ANPEP: variants seen among roughly 807,000 people sequenced by gnomAD.
ANPEP encodes aminopeptidase N.
ANPEP carries 70 observed loss-of-function variants against 114.6 expected under a neutral mutation model. The observed-to-expected ratio is 0.61, with a 90% confidence interval of 0.50 to 0.75. The LOEUF (loss-of-function observed/expected upper bound fraction) is 0.75. Among genes scored for constraint, ANPEP ranks in the 30% least tolerant of loss-of-function variants. ANPEP has a pLI of 0.00. For missense variants in ANPEP, 1,184 were observed against 1,259.5 expected (o/e 0.94, Z 0.91); for synonymous variants, 548 against 522.3 (o/e 1.05, Z -0.67).
At chr15:89,808,439 G>A (rs897464206) in intron 1 of ANPEP, among the ~76,000 whole-genome samples, 1 of 152,210 alleles carries the variant, frequency 6.6e-6, no homozygotes, top group African/African-American at 2.4e-5. Context: ...TGACAGCAGG[G>A]CCTCACCAGC....
rs8192294 is a variant in ANPEP at position 89,803,626 on chromosome 15, C to G, written c.1437+21G>C. On this transcript the variant is annotated intron_variant, in intron 8 of 20. Coordinates refer to ENST00000300060, the MANE Select transcript of ANPEP (RefSeq NM_001150.3). The surrounding 1 kb of genome is among the most constrained non-coding windows in gnomAD (Gnocchi z 4.2). ...CAAGTCCCCACCTCCTTCCCCGTGCCCCACGAGGAGCGGGCTGCACCTTGC... is the reference window on the plus strand; with the variant it reads ...CAAGTCCCCACCTCCTTCCCCGTGCGCCACGAGGAGCGGGCTGCACCTTGC... 1.9e-6 allele frequency: 3 copies of G among 1,606,634 alleles called. No homozygotes were observed. The highest frequency in any genetic ancestry group is 2.6e-6 in the Non-Finnish European group (3 of 1,175,702).
At chr15:89,811,662 A>G (rs1894818756) in intron 1 of ANPEP, among the ~76,000 whole-genome samples, 2 of 151,772 alleles carry the variant, frequency 1.3e-5, no homozygotes, top group Admixed American at 6.6e-5. Flanking sequence ...AAAAAAAAAA[A>G]AAAAGAAAAA....
intron 1 of ANPEP, among the ~76,000 whole-genome samples, chr15:89,812,909 C>A (rs747648522): frequency 2.6e-5 from 4 of 152,136 alleles, no homozygotes; most frequent in Admixed American, 6.5e-5. Context: ...AGACACGCAC[C>A]CATTTGGCCA....
At chr15:89,786,886 G>C (rs1968517127) in intron 20 of ANPEP, among the ~76,000 whole-genome samples, 1 of 152,090 alleles carries the variant, frequency 6.6e-6, no homozygotes, top group South Asian at 2.1e-4. Flanking sequence ...AGACCATTCA[G>C]TGGGAGAAGA....
chr15:89,807,846 T>C (rs1178458739), intron 1 of ANPEP, among the ~76,000 whole-genome samples: 1 of 152,152 alleles, frequency 6.6e-6, no homozygotes, highest in Non-Finnish European at 1.5e-5. Context: ...ACTTTCCCCA[T>C]CCACCAGCCC....
intron 20 of ANPEP, among the ~76,000 whole-genome samples, chr15:89,786,628 G>T (rs908488378): frequency 6.6e-6 from 1 of 151,886 alleles, no homozygotes; most frequent in Non-Finnish European, 1.5e-5. Flanking sequence ...GGGAAGTTGA[G>T]GCTGCAGTGA....
Position 89,785,216 on chromosome 15 carries a change from G to A in ANPEP, c.*133C>T, listed in dbSNP as rs941213519. The A allele has an allele frequency of 2.3e-5, 28 of 1,207,518 alleles. No individual in the cohort carries two copies. Among genetic ancestry groups the A allele is most frequent in the Non-Finnish European group, 3.2e-5 (27 of 851,494 alleles). The allele number at this position is 1,207,518 out of a possible 1,614,324, so 74.8% of individuals were successfully genotyped here. A position where few individuals can be genotyped will look rare whatever the true frequency, so the allele number is the denominator to read the frequency against. ...ACTGGCTCACAGGCAGAGAGAACGT[G>A]GGCTGGAGACTTTGTCCTTGAGGGG... is the stretch of plus-strand genomic sequence containing the variant. On this transcript the variant is annotated 3_prime_UTR_variant, in exon 21 of 21. Transcript: ENST00000300060.
Position 89,805,421 on chromosome 15 carries a change from C to A in ANPEP, c.657G>T (p.Lys219Asn). 6.2e-7 allele frequency: 1 copy of A among 1,614,210 alleles called. No individual in the cohort carries two copies. The highest frequency in any genetic ancestry group is 1.3e-5 in the African/African-American group (1 of 75,062). Residue 219 changes from lysine (K) to asparagine (N), a missense_variant, in exon 3 of 21, where the codon AAG becomes AAT. Coordinates refer to ENST00000300060, the MANE Select transcript of ANPEP (RefSeq NM_001150.3). ...CCGGCTCATCGAAGCATGGGAAGGA[C>A]TTCCGGGCATCTGCAGCCTGCATCT... ...TTQMQAADAR[K>N]SFPCFDEPAM...
In ANPEP at chr15:89,806,117, A is replaced by G. The variant is rs370927385; in HGVS notation, c.467T>C (p.Val156Ala). The change falls in exon 2 of 21, where the codon GTG becomes GCG. Residue 156 changes from valine (V) to alanine (A), a missense_variant. Transcript: ENST00000300060. This position sits in a 1 kb window ranked among gnomAD's most constrained non-coding sequence, Gnocchi z 5.7. ...CACCACCAGGTACTCGGTGGGCTCC[A>G]CCAGCTCAGTCTTGTCAATGTCGGG... is the stretch of plus-strand genomic sequence containing the variant. ...QPPDIDKTELVEPTEYLVVHL... is the reference protein window; with the variant it reads ...QPPDIDKTELAEPTEYLVVHL... 1.9e-6 allele frequency: 3 copies of G among 1,614,092 alleles called. No homozygotes were observed. The highest frequency in any genetic ancestry group is 2.5e-6 in the Non-Finnish European group (3 of 1,179,980).
Position 89,803,666 on chromosome 15 carries a change from T to C in ANPEP, c.1418A>G (p.Asp473Gly), listed in dbSNP as rs553551016. ...CTGCACCTTGCTGTAGGAGATGGCG[T>C]CAAACAGCTCACTGATCTGGGCCGG... ...NTPAQISELF[D>G]AISYSKGASV... is the part of the protein sequence containing the mutation. The change falls in exon 8 of 21, where the codon GAC becomes GGC. Residue 473 changes from aspartate to glycine, a missense_variant. Coordinates refer to ENST00000300060, the MANE Select transcript of ANPEP (RefSeq NM_001150.3). This position sits in a 1 kb window ranked among gnomAD's most constrained non-coding sequence, Gnocchi z 4.2. 2 of 1,612,550 alleles carry C rather than the reference T, an allele frequency of 1.2e-6. No individual in the cohort carries two copies. The highest frequency in any genetic ancestry group is 1.3e-5 in the African/African-American group (1 of 75,026).
chr15:89,790,328 T>C, intron 20 of ANPEP, 132 bp downstream of exon 20: 1 of 713,318 alleles, frequency 1.4e-6, no homozygotes, highest in Non-Finnish European at 2.4e-6. Context: ...CTACTCGGCT[T>C]CCTCTGTAAA....
At chr15:89,791,460 C>T (rs537636215) in intron 18 of ANPEP, among the ~76,000 whole-genome samples, 43 of 152,026 alleles carry the variant, frequency 2.8e-4, no homozygotes, top group African/African-American at 6.0e-4. Context: ...TCTTTCGAGA[C>T]GGAGTCTCAC....
Position 89,802,132 on chromosome 15 carries a change from C to A in ANPEP, c.1570-525G>T, listed in dbSNP as rs183297442. 7.1e-3 allele frequency among the ~76,000 whole-genome samples: 1,086 copies of A among 152,234 alleles called. 13 individuals carry two copies. Among genetic ancestry groups the A allele is most frequent in the African/African-American group, 0.025 (1,050 of 41,506 alleles). The stretch of plus-strand genomic sequence containing the variant: ...TTTGTCATCACAACAGAAAGCCAAC[C>A]CCATTTGTTAATAACTGAAGAAAGG... On this transcript the variant is annotated intron_variant, in intron 10 of 20. Coordinates refer to ENST00000300060, the MANE Select transcript of ANPEP (RefSeq NM_001150.3).
chr15:89,791,224 C>A (rs1198837493), intron 18 of ANPEP, 131 bp from the exon 19 acceptor site: 1 of 1,039,322 alleles, frequency 9.6e-7, no homozygotes. Flanking sequence ...GGCTGAGGGA[C>A]CCCTTGGTCC....
In ANPEP at chr15:89,803,604, G is replaced by A. The variant is rs1894641418; in HGVS notation, c.1437+43C>T. ...CTTCAGTGAGGCCCCTCCAGGCCAA[G>A]TCCCCACCTCCTTCCCCGTGCCCCA... On this transcript the variant is annotated intron_variant, in intron 8 of 20. Coordinates refer to ENST00000300060, the MANE Select transcript of ANPEP (RefSeq NM_001150.3). The surrounding 1 kb of genome is among the most constrained non-coding windows in gnomAD (Gnocchi z 4.2). 6.2e-7 allele frequency: 1 copy of A among 1,603,110 alleles called. No homozygotes were observed. The highest frequency in any genetic ancestry group is 1.3e-5 in the African/African-American group (1 of 74,884).
intron 20 of ANPEP, among the ~76,000 whole-genome samples, chr15:89,789,593 T>G (rs951422444): frequency 6.6e-6 from 1 of 151,328 alleles, no homozygotes; most frequent in Non-Finnish European, 1.5e-5. Context: ...GCCAACATGG[T>G]GAAACCTCGT....
Position 89,806,885 on chromosome 15 carries a change from G to A in ANPEP, c.-223-79C>T, listed in dbSNP as rs989876509. 4 of 365,662 alleles carry A rather than the reference G, an allele frequency of 1.1e-5. No homozygotes were observed. Among genetic ancestry groups the A allele is most frequent in the South Asian group, 4.2e-5 (1 of 23,892 alleles). The allele number at this position is 365,662 out of a possible 1,614,324, so 22.7% of individuals were successfully genotyped here. Reference sequence around the variant, plus strand: ...CCCGAGGGCTGAAGGGCAGGCTTCCGGCTGTAGGCCCAGTGGGCAAAGCAA... The same window carrying A: ...CCCGAGGGCTGAAGGGCAGGCTTCCAGCTGTAGGCCCAGTGGGCAAAGCAA... On this transcript the variant is annotated intron_variant, in intron 1 of 20. Coordinates refer to ENST00000300060, the MANE Select transcript of ANPEP (RefSeq NM_001150.3). This position sits in a 1 kb window ranked among gnomAD's most constrained non-coding sequence, Gnocchi z 5.7.
intron 1 of ANPEP, among the ~76,000 whole-genome samples, chr15:89,813,991 T>TGCG (rs1894860296): frequency 8.9e-6 from 1 of 111,758 alleles, no homozygotes; most frequent in African/African-American, 4.3e-5. Flanking sequence ...ACCGCACTGC[T>TGCG]GGGGGGGGGG....
chr15:89,792,254 CGA>C lies in ANPEP; in HGVS notation c.2432_2433del (p.Phe811CysfsTer13). The C allele has an allele frequency of 6.2e-7, 1 of 1,614,212 alleles. No homozygotes were observed. Among genetic ancestry groups the C allele is most frequent in the Middle Eastern group, 1.6e-4 (1 of 6,062 alleles). On this transcript the variant is annotated frameshift_variant, in exon 18 of 21. Transcript: ENST00000300060. LOFTEE classifies it high-confidence loss of function. ...IAQGGEEEWD[F>X]AWEQFRNATL... ...GTGGCATTTCGGAACTGCTCCCAGG[CGA>C]AGTCCCACTCCTCCTCCCCGCCCTG... is the stretch of plus-strand genomic sequence containing the variant.
Sources: allele counts gnomAD v4.1 joint callset (sites outside exome capture counted in the v4.1 genomes callset), GRCh38; gene constraint gnomAD v4.1.1; non-coding constraint Gnocchi (gnomAD v3.1); transcripts MANE v1.5; gene names NCBI Gene and HGNC (gene_info 2026-07-23, HGNC 2026-07-21).